Variants in RHOBTB1 observed in about 807,000 individuals in gnomAD.
RHOBTB1 encodes rho-related BTB domain-containing protein 1.
RHOBTB1 carries 40 observed loss-of-function variants against 71.6 expected under a neutral mutation model. That is an observed-to-expected ratio of 0.56 (90% confidence interval 0.43 to 0.73). The LOEUF (loss-of-function observed/expected upper bound fraction) is 0.73, where lower values mean the gene tolerates loss of function less well. Ranked by LOEUF, RHOBTB1 falls within the 30% of genes least tolerant of loss-of-function variation. The pLI is 0.00. For synonymous variants in RHOBTB1, 319 were observed against 334.9 expected, an observed-to-expected ratio of 0.95 and a Z score of 0.52; for missense variants, 797 against 894.0, an observed-to-expected ratio of 0.89 and a Z score of 1.38.
At position 60,889,161 on chromosome 10, in the gene RHOBTB1, C is replaced by A. The variant is rs755796129; in HGVS notation, c.507G>T (p.Leu169Phe). Residue 169 changes from leucine (L) to phenylalanine (F), a missense_variant, in exon 6 of 11, where the codon TTG becomes TTT. Coordinates refer to ENST00000337910, the MANE Select transcript of RHOBTB1 (RefSeq NM_014836.5). ...LARPIKRGDILPPEKGREVAK... is the reference protein window; with the variant it reads ...LARPIKRGDIFPPEKGREVAK... Reference sequence around the variant, plus strand: ...CTACCTCTCGGCCTTTTTCTGGGGGCAAAATATCCCCTCTCTTTATGGGCC... The same window carrying A: ...CTACCTCTCGGCCTTTTTCTGGGGGAAAAATATCCCCTCTCTTTATGGGCC... The A allele has an allele frequency of 1.2e-6, 2 of 1,612,010 alleles. No individual in the cohort carries two copies. The highest frequency in any genetic ancestry group is 2.2e-5 in the South Asian group (2 of 90,644).
At chr10:60,999,286 CA>C (rs774924161) in intron 1 of RHOBTB1, among the ~76,000 whole-genome samples, 1 of 151,568 alleles carries the variant, frequency 6.6e-6, no homozygotes, top group Non-Finnish European at 1.5e-5. Flanking sequence ...GGACAAGTGT[CA>C]AAAAAAAGAC....
chr10:60,963,825 T>A (rs1465796800), intron 2 of RHOBTB1, among the ~76,000 whole-genome samples: 1 of 152,182 alleles, frequency 6.6e-6, no homozygotes, highest in African/African-American at 2.4e-5. Flanking sequence ...GTTCCACACA[T>A]TACCAACGAT....
intron 1 of RHOBTB1, among the ~76,000 whole-genome samples, chr10:60,990,881 T>C (rs1160940878): frequency 1.3e-5 from 2 of 152,216 alleles, no homozygotes; most frequent in Admixed American, 6.5e-5. Context: ...TAATCCAATG[T>C]CTGTCTGCTG....
Position 60,981,786 on chromosome 10 carries a change from T to TA in RHOBTB1, c.-62+4058dup, listed in dbSNP as rs1343091910. Among the ~76,000 whole-genome samples, 5 of 152,228 alleles carry TA rather than the reference T, an allele frequency of 3.3e-5. No homozygotes were observed. The South Asian group carries it at 8.3e-4, about 25-fold the overall frequency. On this transcript the variant is annotated intron_variant, in intron 2 of 11. Transcript: ENST00000357917. ...GGTATTATAAGTTACTTTTTTTTTT[T>TA]AACACGGAGTTTCGCTTTTGTTGCC...
At chr10:60,961,813 T>G (rs888070478) in intron 2 of RHOBTB1, among the ~76,000 whole-genome samples, 1 of 24,262 alleles carries the variant, frequency 4.1e-5, no homozygotes, top group African/African-American at 5.0e-4. Context: ...CTTTTTTTGT[T>G]TTTTTTTTTT....
At chr10:60,951,570 G>A (rs1309497942) in intron 2 of RHOBTB1, among the ~76,000 whole-genome samples, 1 of 152,204 alleles carries the variant, frequency 6.6e-6, no homozygotes, top group Admixed American at 6.5e-5. Context: ...CATCGAAGGT[G>A]CACAATCACT....
chr10:60,927,556 T>G (rs1481973097), intron 2 of RHOBTB1, among the ~76,000 whole-genome samples: 1 of 151,718 alleles, frequency 6.6e-6, no homozygotes, highest in African/African-American at 2.4e-5. Context: ...CAGAAAAAAA[T>G]TCCCACATTT....
chr10:60,961,219 C>T (rs891965496), intron 2 of RHOBTB1, among the ~76,000 whole-genome samples: 1 of 152,068 alleles, frequency 6.6e-6, no homozygotes, highest in African/African-American at 2.4e-5. Flanking sequence ...ACAAAAATGT[C>T]CTTGTGAACA....
chr10:60,928,235 C>T (rs538093055), intron 2 of RHOBTB1, among the ~76,000 whole-genome samples: 30 of 152,012 alleles, frequency 2.0e-4, no homozygotes, highest in South Asian at 1.9e-3. Context: ...CAAATTAGCA[C>T]GGCCATTTTG....
chr10:60,909,803 A>C (rs1234099035), intron 4 of RHOBTB1, among the ~76,000 whole-genome samples: 1 of 152,210 alleles, frequency 6.6e-6, no homozygotes, highest in Admixed American at 6.5e-5. Context: ...TTGCTTCCAT[A>C]ACTCTCTGAG....
At chr10:60,942,316 A>G (rs1487309122) in intron 1 of RHOBTB1, among the ~76,000 whole-genome samples, 7 of 152,228 alleles carry the variant, frequency 4.6e-5, no homozygotes, top group Non-Finnish European at 1.0e-4. Flanking sequence ...TTATTGAGCC[A>G]ATAACATCAA....
chr10:60,864,216 C>T, the RHOBTB1 span, among the ~76,000 whole-genome samples: 1 of 152,172 alleles, frequency 6.6e-6, no homozygotes, highest in East Asian at 1.9e-4. Context: ...TCACCTCAGG[C>T]TCTGTTTCTG....
At position 60,906,593 on chromosome 10, in the gene RHOBTB1, G is replaced by A. The variant is rs550903786; in HGVS notation, c.296+4294C>T. Reference sequence around the variant, plus strand: ...CTGTCTGACCTTGGCCCTTTTTTGTGCCTGTTTCTCCAACCGTGAAATGAG... The same window carrying A: ...CTGTCTGACCTTGGCCCTTTTTTGTACCTGTTTCTCCAACCGTGAAATGAG... On this transcript the variant is annotated intron_variant, in intron 4 of 10. Transcript: ENST00000337910. Among the ~76,000 whole-genome samples, 77 of 152,236 alleles carry A rather than the reference G, an allele frequency of 5.1e-4. 1 individual carries two copies. The South Asian group carries it at 0.014, about 29-fold the overall frequency.
intron 2 of RHOBTB1, among the ~76,000 whole-genome samples, chr10:60,980,426 A>T (rs2086458392): frequency 6.6e-6 from 1 of 152,220 alleles, no homozygotes; most frequent in Non-Finnish European, 1.5e-5. Flanking sequence ...TAAGGAATAG[A>T]TTAAAAATGT....
In RHOBTB1 at chr10:60,871,368, C is replaced by A; in HGVS notation, c.*114G>T. 3.7e-6 allele frequency: 4 copies of A among 1,070,964 alleles called. No individual in the cohort carries two copies. Among genetic ancestry groups the A allele is most frequent in the Admixed American group, 2.5e-5 (1 of 39,860 alleles). 66.3% of individuals were successfully genotyped at this position (1,070,964 alleles called of 1,614,324 possible). On this transcript the variant is annotated 3_prime_UTR_variant, in exon 11 of 11. Coordinates refer to ENST00000337910, the MANE Select transcript of RHOBTB1 (RefSeq NM_014836.5). ...ACAAAAGTGGAGGAAGATCAGTGCC[C>A]GAAACCTGAACTATGTCGTATCTCT... is the stretch of plus-strand genomic sequence containing the variant.
At chr10:60,966,028 G>GA (rs1384469627) in intron 2 of RHOBTB1, among the ~76,000 whole-genome samples, 2 of 152,046 alleles carry the variant, frequency 1.3e-5, no homozygotes, top group Non-Finnish European at 2.9e-5. Context: ...GGATAGGTCT[G>GA]AAAAAATCAG....
Position 60,969,845 on chromosome 10 carries a change from G to A in RHOBTB1, c.-62+16000C>T, listed in dbSNP as rs146690498. ...TATGCTTTTAGTATTTAAAGAAATA[G>A]AATAATAATACCTTGGATGATAATG... On this transcript the variant is annotated intron_variant, in intron 2 of 11. Transcript: ENST00000357917. Among the ~76,000 whole-genome samples the A allele has an allele frequency of 6.3e-3, 952 of 152,164 alleles. 12 individuals are homozygous for A. The highest frequency in any genetic ancestry group is 0.022 in the African/African-American group (901 of 41,538).
intron 4 of RHOBTB1, among the ~76,000 whole-genome samples, chr10:60,903,673 AGACTATGGG>A (rs2082520634): frequency 6.7e-5 from 3 of 44,746 alleles, no homozygotes; most frequent in Non-Finnish European, 1.3e-4. Flanking sequence ...CCCCTGGGTC[AGACTATGGG>A]CCCCTGGGTC....
intron 1 of RHOBTB1, among the ~76,000 whole-genome samples, chr10:60,998,575 TG>T (rs2087140718): frequency 6.6e-6 from 1 of 151,876 alleles, no homozygotes; most frequent in Admixed American, 6.6e-5. Context: ...CTAGAGGAAG[TG>T]CAATTTACTT....
Sources: allele counts gnomAD v4.1 joint callset (sites outside exome capture counted in the v4.1 genomes callset), GRCh38; gene constraint gnomAD v4.1.1; transcripts MANE v1.5; gene names NCBI Gene and HGNC (gene_info 2026-07-23, HGNC 2026-07-21).